Variants in USO1 observed in about 807,000 individuals in gnomAD.
USO1 encodes general vesicular transport factor p115.
In USO1, 57 loss-of-function variants were observed where a neutral mutation model predicts 124.5. That is an observed-to-expected ratio of 0.46 (90% CI 0.37 to 0.57). The LOEUF (loss-of-function observed/expected upper bound fraction) is 0.57, where lower values mean the gene tolerates loss of function less well. Ranked by LOEUF, USO1 falls within the 20% of genes least tolerant of loss-of-function variation. The probability of loss-of-function intolerance (pLI) is 0.00; values close to 1 mark genes in which losing one functional copy is unlikely to be tolerated. For synonymous variants in USO1, 369 were observed against 362.8 expected, an observed-to-expected ratio of 1.02 and a Z score of -0.19; for missense variants, 900 against 1,040.6, an observed-to-expected ratio of 0.86 and a Z score of 1.86.
chr4:75,725,511 A>C (rs1720399743), intron 1 of USO1, among the ~76,000 whole-genome samples: 1 of 152,070 alleles, frequency 6.6e-6, no homozygotes, highest in South Asian at 2.1e-4. Flanking sequence ...ATCATTTGGC[A>C]AATGCTACCT....
At chr4:75,727,271 CTG>C (rs1018616145) in intron 1 of USO1, among the ~76,000 whole-genome samples, 1 of 152,188 alleles carries the variant, frequency 6.6e-6, no homozygotes, top group African/African-American at 2.4e-5. Context: ...GATCTTGCCA[CTG>C]TGGATGGAAC....
chr4:75,739,543 T>TC (rs1553897020), intron 1 of USO1, among the ~76,000 whole-genome samples: 17 of 143,276 alleles, frequency 1.2e-4, no homozygotes, highest in Admixed American at 9.8e-4. Context: ...TTTTTCTTTT[T>TC]TTTTTTTTTT....
At position 75,724,889 on chromosome 4, in the gene USO1, A is replaced by G. The variant is rs1720350951; in HGVS notation, c.66+4A>G. The G allele has an allele frequency of 6.2e-7, 1 of 1,612,894 alleles. No homozygotes were observed. The highest frequency in any genetic ancestry group is 8.5e-7 in the Non-Finnish European group (1 of 1,179,372). The stretch of plus-strand genomic sequence containing the variant: ...CCAGCACACAGAAGCCGAGACGGTG[A>G]GAGGAGCAGCGGGTCTGGGACTTGG... On this transcript the variant is annotated splice_donor_region_variant and intron_variant, in intron 1 of 23. Transcript: ENST00000514213.
intron 1 of USO1, among the ~76,000 whole-genome samples, chr4:75,726,146 TG>T (rs1278110672): frequency 3.3e-5 from 5 of 152,124 alleles, no homozygotes; most frequent in Non-Finnish European, 7.4e-5. Flanking sequence ...CCGGCCGTGG[TG>T]GCACATGCCT....
In USO1 at chr4:75,738,241, A is replaced by G. The variant is rs146542738; in HGVS notation, c.66+13356A>G. On this transcript the variant is annotated intron_variant, in intron 1 of 23. Transcript: ENST00000514213. ...GGAGGCCAAAGCCAGTGGATCATCC[A>G]AGGTCAGGAGTTCAAGACCAGCCTG... is the stretch of plus-strand genomic sequence containing the variant. Among the ~76,000 whole-genome samples, 1,195 of 151,754 alleles carry G rather than the reference A, an allele frequency of 7.9e-3. 17 individuals are homozygous for G. The highest frequency in any genetic ancestry group is 0.027 in the African/African-American group (1,123 of 41,476).
chr4:75,798,600 T>C (rs1241427710), intron 13 of USO1, among the ~76,000 whole-genome samples: 2 of 152,292 alleles, frequency 1.3e-5, no homozygotes, highest in East Asian at 3.9e-4. Flanking sequence ...CTTAATTCAA[T>C]ATTAAATATA....
chr4:75,788,547 CTT>C (rs202201141), intron 10 of USO1, among the ~76,000 whole-genome samples: 3 of 139,696 alleles, frequency 2.1e-5, no homozygotes, highest in Non-Finnish European at 1.6e-5. Flanking sequence ...CTTTTCTTTT[CTT>C]TTTTTTTTTT....
intron 1 of USO1, among the ~76,000 whole-genome samples, chr4:75,732,052 A>G (rs5020591): frequency 0.9 from 137,538 of 152,256 alleles, 62,285 homozygotes; most frequent in African/African-American, 0.98. Context: ...TACATGTGCA[A>G]GTTGTTACAT....
chr4:75,731,901 G>T (rs1313539781), intron 1 of USO1, among the ~76,000 whole-genome samples: 3 of 152,036 alleles, frequency 2.0e-5, no homozygotes, highest in Non-Finnish European at 4.4e-5. Context: ...TATTACACTA[G>T]TGTCCTTTAA....
chr4:75,805,738 A>G (rs892711378), intron 19 of USO1, among the ~76,000 whole-genome samples: 1 of 151,382 alleles, frequency 6.6e-6, no homozygotes, highest in East Asian at 1.9e-4. Context: ...ATTTTACAGG[A>G]TGAGCTTTAG....
At chr4:75,812,514 TACTGTTTTC>T (rs1723178626) in intron 23 of USO1, 139 bp downstream of exon 23, 4 of 1,119,488 alleles carry the variant, frequency 3.6e-6, no homozygotes, top group Non-Finnish European at 5.0e-6. Flanking sequence ...GTACCATCTA[TACTGTTTTC>T]ACTGTTTTCA....
chr4:75,747,522 A>T (rs1016462703), intron 1 of USO1, among the ~76,000 whole-genome samples: 4 of 149,448 alleles, frequency 2.7e-5, no homozygotes, highest in African/African-American at 9.9e-5. Flanking sequence ...CATTCCTCCC[A>T]CTTCAGTATC....
chr4:75,786,983 C>G, intron 9 of USO1, 79 bp from the exon 10 acceptor site: 13 of 1,422,226 alleles, frequency 9.1e-6, no homozygotes, highest in Non-Finnish European at 1.2e-5. Context: ...TGCAGACTTT[C>G]TTGTTCACAT....
intron 8 of USO1, among the ~76,000 whole-genome samples, chr4:75,777,282 A>G (rs903064071): frequency 1.3e-5 from 2 of 152,164 alleles, no homozygotes; most frequent in Non-Finnish European, 2.9e-5. Context: ...TTTGTGAATG[A>G]AACAATTGAT....
intron 1 of USO1, chr4:75,745,336 G>T (rs751079439): frequency 1.9e-6 from 1 of 519,840 alleles, no homozygotes; most frequent in Non-Finnish European, 3.8e-6. Flanking sequence ...TCAAAGGCTT[G>T]TCAGGGTGTT....
chr4:75,794,778 T>A (rs1722632970), intron 13 of USO1, among the ~76,000 whole-genome samples: 1 of 152,316 alleles, frequency 6.6e-6, no homozygotes, highest in Non-Finnish European at 1.5e-5. Flanking sequence ...AAAGAAACAT[T>A]AGCTCCATCC....
intron 1 of USO1, among the ~76,000 whole-genome samples, chr4:75,727,806 G>T (rs938356023): frequency 6.6e-6 from 1 of 151,378 alleles, no homozygotes; most frequent in African/African-American, 2.4e-5. Context: ...TCTTTTCTTT[G>T]TCTGAATTAG....
intron 8 of USO1, among the ~76,000 whole-genome samples, chr4:75,775,775 G>A (rs1722057225): frequency 6.6e-6 from 1 of 152,110 alleles, no homozygotes; most frequent in South Asian, 2.1e-4. Context: ...CTGTAGAGTG[G>A]AAGAAACGAA....
At chr4:75,767,162 C>T (rs1177241844) in intron 4 of USO1, among the ~76,000 whole-genome samples, 1 of 152,152 alleles carries the variant, frequency 6.6e-6, no homozygotes, top group African/African-American at 2.4e-5. Flanking sequence ...TGCCACAGGG[C>T]ACAGATTTCT....
Sources: gnomAD v4.1 joint callset for allele counts (sites outside exome capture counted in the v4.1 genomes callset) on GRCh38, gnomAD v4.1.1 for gene constraint, MANE v1.5 for transcripts, NCBI Gene and HGNC (gene_info 2026-07-23, HGNC 2026-07-21) for gene names.